ANKRD13C: variants seen among roughly 807,000 people sequenced by gnomAD.
ANKRD13C encodes ankyrin repeat domain-containing protein 13C.
Under a neutral mutation model 65.5 loss-of-function variants are expected in ANKRD13C, and 16 were observed. The observed-to-expected ratio is 0.24, with a 90% CI of 0.17 to 0.37. The LOEUF is 0.37. Ranked by LOEUF, ANKRD13C falls within the 10% of genes least tolerant of loss-of-function variation. The probability of loss-of-function intolerance (pLI) is 1.00; values close to 1 mark genes in which losing one functional copy is unlikely to be tolerated. For synonymous variants in ANKRD13C, 235 were observed against 238.7 expected (o/e 0.98, Z 0.14); for missense variants, 503 against 655.9 (o/e 0.77, Z 2.55).
At position 70,262,566 on chromosome 1, in the gene ANKRD13C, G is replaced by C. The variant is rs994499380; in HGVS notation, c.*151C>G. 1.3e-6 allele frequency: 1 copy of C among 775,746 alleles called. No individual in the cohort carries two copies. The allele number at this position is 775,746 out of a possible 1,614,324, so 48.1% of individuals were successfully genotyped here. A position where few individuals can be genotyped will look rare whatever the true frequency, so the allele number is the denominator to read the frequency against. On this transcript the variant is annotated 3_prime_UTR_variant, in exon 13 of 13. Coordinates refer to ENST00000370944, the MANE Select transcript of ANKRD13C (RefSeq NM_030816.5). ...AAAACTCGCTGAAATTCTTATTAGAGGCCCATTTCACTGTATCGTATTACT... is the reference window on the plus strand; with the variant it reads ...AAAACTCGCTGAAATTCTTATTAGACGCCCATTTCACTGTATCGTATTACT...
At chr1:70,340,622 G>C (rs12031053) in intron 1 of ANKRD13C, among the ~76,000 whole-genome samples, 16,845 of 152,112 alleles carry the variant, frequency 0.11, 1,142 homozygotes, top group East Asian at 0.33. Flanking sequence ...TTTGGTAACA[G>C]AGAGGAATGT....
At chr1:70,298,140 C>A (rs998033414) in intron 7 of ANKRD13C, among the ~76,000 whole-genome samples, 3 of 152,004 alleles carry the variant, frequency 2.0e-5, no homozygotes, top group Non-Finnish European at 4.4e-5. Context: ...CTGTTAAACA[C>A]TATACTTCAA....
chr1:70,279,797 T>C (rs569115230), intron 9 of ANKRD13C, among the ~76,000 whole-genome samples: 1 of 152,288 alleles, frequency 6.6e-6, no homozygotes, highest in Admixed American at 6.5e-5. Flanking sequence ...GCCACTGTGA[T>C]CAGCCCTTGA....
At chr1:70,273,883 TGACCTCAGATGATCC>T (rs1444940292) in intron 11 of ANKRD13C, among the ~76,000 whole-genome samples, 2 of 151,788 alleles carry the variant, frequency 1.3e-5, no homozygotes, top group Non-Finnish European at 2.9e-5. Context: ...CTCAAACTCC[TGACCTCAGATGATCC>T]GCCCACCTTG....
intron 12 of ANKRD13C, among the ~76,000 whole-genome samples, chr1:70,270,018 T>G (rs1489026509): frequency 6.6e-6 from 1 of 152,266 alleles, no homozygotes; most frequent in Non-Finnish European, 1.5e-5. Flanking sequence ...TCTTCTTCCT[T>G]GGTTTCTGAT....
chr1:70,335,222 T>C (rs1681969400), intron 2 of ANKRD13C, among the ~76,000 whole-genome samples: 1 of 151,862 alleles, frequency 6.6e-6, no homozygotes, highest in African/African-American at 2.4e-5. Flanking sequence ...CTGGCCAACA[T>C]GGTGAAGCCC....
At chr1:70,274,361 C>T (rs1679033150) in intron 11 of ANKRD13C, among the ~76,000 whole-genome samples, 1 of 150,468 alleles carries the variant, frequency 6.6e-6, no homozygotes, top group South Asian at 2.1e-4. Context: ...ATAATCCCAG[C>T]TACTCAGGAG....
chr1:70,326,474 A>C (rs888707046), intron 2 of ANKRD13C, among the ~76,000 whole-genome samples: 1 of 152,138 alleles, frequency 6.6e-6, no homozygotes, highest in Non-Finnish European at 1.5e-5. Context: ...AAGAGTGTTA[A>C]GACAGTGTAA....
chr1:70,353,908 T>C, intron 1 of ANKRD13C, 71 bp downstream of exon 1: 1 of 1,439,086 alleles, frequency 6.9e-7, no homozygotes, highest in Non-Finnish European at 9.2e-7. Flanking sequence ...GGCCTAGGAT[T>C]CCAGAAGCCT....
chr1:70,327,975 G>A (rs550277314), intron 2 of ANKRD13C, among the ~76,000 whole-genome samples: 1 of 152,232 alleles, frequency 6.6e-6, no homozygotes, highest in East Asian at 1.9e-4. Context: ...TGAGGCAGGA[G>A]AGCTGCTTGA....
chr1:70,332,280 C>A (rs1029159427), intron 2 of ANKRD13C, among the ~76,000 whole-genome samples: 4 of 152,148 alleles, frequency 2.6e-5, no homozygotes, highest in Non-Finnish European at 5.9e-5. Context: ...ATTAGCATAT[C>A]AAATTTCTAA....
At chr1:70,320,779 A>G (rs556577092) in intron 3 of ANKRD13C, among the ~76,000 whole-genome samples, 16 of 151,866 alleles carry the variant, frequency 1.1e-4, no homozygotes, top group African/African-American at 3.9e-4. Flanking sequence ...AAGTCCTACT[A>G]TAATACTTTA....
At chr1:70,329,805 A>G (rs1388295523) in intron 2 of ANKRD13C, among the ~76,000 whole-genome samples, 1 of 151,896 alleles carries the variant, frequency 6.6e-6, no homozygotes, top group Non-Finnish European at 1.5e-5. Flanking sequence ...AAAAAAAAGA[A>G]CTGGTGGCCA....
At chr1:70,278,892 GA>G (rs1679258145) in intron 9 of ANKRD13C, among the ~76,000 whole-genome samples, 2 of 152,030 alleles carry the variant, frequency 1.3e-5, no homozygotes, top group Non-Finnish European at 2.9e-5. Flanking sequence ...AATTAATGGA[GA>G]TAACGTATAT....
At chr1:70,271,238 C>T (rs2101119876) in intron 11 of ANKRD13C, among the ~76,000 whole-genome samples, 1 of 152,306 alleles carries the variant, frequency 6.6e-6, no homozygotes, top group East Asian at 1.9e-4. Context: ...TTTCCACTGT[C>T]AATTTATTGT....
intron 1 of ANKRD13C, among the ~76,000 whole-genome samples, chr1:70,351,350 A>C (rs1005443769): frequency 5.9e-5 from 9 of 152,180 alleles, no homozygotes; most frequent in Non-Finnish European, 1.3e-4. Context: ...TCTGCTATGC[A>C]TTTATGTTAA....
intron 5 of ANKRD13C, among the ~76,000 whole-genome samples, chr1:70,309,715 C>CAAAAAAAA (rs1165416550): frequency 7.2e-6 from 1 of 138,866 alleles, no homozygotes; most frequent in African/African-American, 2.6e-5. Flanking sequence ...GACTCCGTCG[C>CAAAAAAAA]AAAAAAAAAA....
At chr1:70,273,258 T>C (rs1678974504) in intron 11 of ANKRD13C, among the ~76,000 whole-genome samples, 1 of 152,134 alleles carries the variant, frequency 6.6e-6, no homozygotes, top group South Asian at 2.1e-4. Context: ...CTCCGATCAT[T>C]TTTAAAAAAT....
At chr1:70,278,563 A>AT (rs572151206) in intron 9 of ANKRD13C, among the ~76,000 whole-genome samples, 1 of 152,014 alleles carries the variant, frequency 6.6e-6, no homozygotes, top group Non-Finnish European at 1.5e-5. Context: ...TTAAAAAAAA[A>AT]TTTTTTTTCA....
Sources: gnomAD v4.1 joint callset for allele counts (sites outside exome capture counted in the v4.1 genomes callset) on GRCh38, gnomAD v4.1.1 for gene constraint, MANE v1.5 for transcripts, NCBI Gene and HGNC (gene_info 2026-07-23, HGNC 2026-07-21) for gene names.